The following SFSWAP variants were observed in gnomAD, a reference collection of about 807,000 sequenced individuals.
SFSWAP encodes the protein splicing factor, suppressor of white-apricot homolog.
SFSWAP carries 17 observed loss-of-function variants against 100.7 expected under a neutral mutation model. The observed-to-expected ratio is 0.17, with a 90% confidence interval of 0.12 to 0.25. SFSWAP has a LOEUF of 0.25. SFSWAP is among the 10% of genes least tolerant of loss of function. SFSWAP has a pLI of 1.00. For synonymous variants in SFSWAP, 504 were observed against 510.1 expected, an observed-to-expected ratio of 0.99 and a Z score of 0.16; for missense variants, 1,005 against 1,262.6, an observed-to-expected ratio of 0.80 and a Z score of 3.09.
rs1409418885 is a variant in SFSWAP at position 131,794,858 on chromosome 12, A to C, written c.2535-2320A>C. Among the ~76,000 whole-genome samples, 3 of 152,224 alleles carry C rather than the reference A, an allele frequency of 2.0e-5. No individual in the cohort carries two copies. Among genetic ancestry groups the C allele is most frequent in the African/African-American group, 7.2e-5 (3 of 41,472 alleles). On this transcript the variant is annotated intron_variant, in intron 15 of 17. Transcript: ENST00000261674. The surrounding 1 kb of genome is among the most constrained non-coding windows in gnomAD (Gnocchi z 4.8). Reference sequence around the variant, plus strand: ...AATGAGTTGCTCCATTCCTTCAGCAAGGGCTTAGATCAGATTGTAGCAGAA... The same window carrying C: ...AATGAGTTGCTCCATTCCTTCAGCACGGGCTTAGATCAGATTGTAGCAGAA...
At chr12:131,754,808 A>G (rs1313370663) in intron 9 of SFSWAP, among the ~76,000 whole-genome samples, 81 of 151,124 alleles carry the variant, frequency 5.4e-4, no homozygotes, top group Non-Finnish European at 1.5e-5. Context: ...TAATTTTTGT[A>G]TTTTGGTAGA....
At chr12:131,755,055 AAAAT>A (rs1350987049) in intron 9 of SFSWAP, among the ~76,000 whole-genome samples, 1 of 152,208 alleles carries the variant, frequency 6.6e-6, no homozygotes, top group African/African-American at 2.4e-5. Context: ...GAAGCTACCT[AAAAT>A]AAAAGCCTAT....
At chr12:131,782,759 C>CG (rs1455357378) in intron 14 of SFSWAP, among the ~76,000 whole-genome samples, 3 of 152,146 alleles carry the variant, frequency 2.0e-5, no homozygotes, top group African/African-American at 7.2e-5. Context: ...TTTAGTATGT[C>CG]TAAGTTATGG....
At chr12:131,759,954 A>G (rs1882515500) in intron 11 of SFSWAP, among the ~76,000 whole-genome samples, 1 of 152,244 alleles carries the variant, frequency 6.6e-6, no homozygotes, top group African/African-American at 2.4e-5. Flanking sequence ...GAAAGCAGCA[A>G]CATTCTCTCA....
In SFSWAP at chr12:131,725,426, G is replaced by A. The variant is rs780826479; in HGVS notation, c.628G>A (p.Ala210Thr). 8.1e-6 allele frequency: 13 copies of A among 1,614,028 alleles called. No homozygotes were observed. The East Asian group carries it at 1.1e-4, about 14-fold the overall frequency. ...VELPPTAKMHAIIERTASFVC... is the reference protein window; with the variant it reads ...VELPPTAKMHTIIERTASFVC... ...GTAGCCACCAACCGCTAAAATGCAC[G>A]CCATCATCGAGCGCACGGCCAGCTT... Residue 210 changes from alanine to threonine, a missense_variant, in exon 5 of 18, where the codon GCC becomes ACC. Ala to Thr is a moderately conservative substitution (Grantham distance 58). Transcript: ENST00000261674. The surrounding 1 kb of genome is among the most constrained non-coding windows in gnomAD (Gnocchi z 4.3).
At position 131,768,339 on chromosome 12, in the gene SFSWAP, G is replaced by A. The variant is rs1248643803; in HGVS notation, c.2142+2031G>A. Among the ~76,000 whole-genome samples, 3 of 152,146 alleles carry A rather than the reference G, an allele frequency of 2.0e-5. No individual in the cohort carries two copies. The East Asian group carries it at 5.8e-4, about 29-fold the overall frequency. On this transcript the variant is annotated intron_variant, in intron 13 of 17. Transcript: ENST00000261674. ...ATATTGACGTTTCTAAGAGTCCAGG[G>A]CCATTATTGAAAACTGATTTTCTGC...
Position 131,750,950 on chromosome 12 carries a change from A to G in SFSWAP, c.1082-2173A>G, listed in dbSNP as rs540202291. 3.3e-5 allele frequency among the ~76,000 whole-genome samples: 5 copies of G among 152,322 alleles called. No individual in the cohort carries two copies. In the East Asian group the frequency reaches 9.6e-4, roughly 29 times the overall value. ...CAGCCTACCAAAGTGCTGGGATTAT[A>G]GGTGTGACCCATGGCACCCAGCCTA... On this transcript the variant is annotated intron_variant, in intron 7 of 17. Transcript: ENST00000261674.
At chr12:131,762,975 C>T (rs1882804057) in intron 11 of SFSWAP, among the ~76,000 whole-genome samples, 1 of 152,168 alleles carries the variant, frequency 6.6e-6, no homozygotes, top group Admixed American at 6.5e-5. Context: ...ACGCCCCACA[C>T]ACGTGCTCAT....
chr12:131,778,442 A>G lies in SFSWAP; in HGVS notation c.2408+112A>G. Reference sequence around the variant, plus strand: ...AAAATCAGTGCCGCTTTCATTAAGCAGACGCGTGTATGCATGTGCATGTGT... The same window carrying G: ...AAAATCAGTGCCGCTTTCATTAAGCGGACGCGTGTATGCATGTGCATGTGT... On this transcript the variant is annotated intron_variant, in intron 14 of 17. Coordinates refer to ENST00000261674, the MANE Select transcript of SFSWAP (RefSeq NM_004592.4). The surrounding 1 kb of genome is among the most constrained non-coding windows in gnomAD (Gnocchi z 4.2). 2.0e-6 allele frequency: 3 copies of G among 1,488,748 alleles called. No homozygotes were observed. Among genetic ancestry groups the G allele is most frequent in the Non-Finnish European group, 1.8e-6 (2 of 1,114,152 alleles). The allele number at this position is 1,488,748 out of a possible 1,614,324, so 92.2% of individuals were successfully genotyped here. A position where few individuals can be genotyped will look rare whatever the true frequency, so the allele number is the denominator to read the frequency against.
intron 15 of SFSWAP, among the ~76,000 whole-genome samples, chr12:131,793,666 G>A (rs1234105364): frequency 2.0e-5 from 3 of 152,124 alleles, no homozygotes; most frequent in Non-Finnish European, 4.4e-5. Flanking sequence ...AAGATGAATA[G>A]GCAGGCCGCA....
chr12:131,727,209 A>T (rs1593117593), intron 6 of SFSWAP, among the ~76,000 whole-genome samples, 157 bp downstream of exon 6: 1 of 152,366 alleles, frequency 6.6e-6, no homozygotes, highest in East Asian at 1.9e-4. Context: ...TAGCTGGGTG[A>T]CAAAGCATCT....
chr12:131,733,267 C>T lies in SFSWAP; in HGVS notation c.1081+4839C>T, dbSNP rs1879682631. 6.6e-6 allele frequency among the ~76,000 whole-genome samples: 1 copy of T among 152,156 alleles called. No homozygotes were observed. Among genetic ancestry groups the T allele is most frequent in the African/African-American group, 2.4e-5 (1 of 41,436 alleles). ...CCTCACCCTGCCCTGTGAGAACTTT[C>T]GTATGTGTGTCTCTGCCATCTCCTC... On this transcript the variant is annotated intron_variant, in intron 7 of 17. Coordinates refer to ENST00000261674, the MANE Select transcript of SFSWAP (RefSeq NM_004592.4). The surrounding 1 kb of genome is among the most constrained non-coding windows in gnomAD (Gnocchi z 5.1).
rs1879189950 is a variant in SFSWAP, at chr12:131,728,382, A to G, written c.1035A>G (p.Ala345=). 4 of 1,614,224 alleles carry G rather than the reference A, an allele frequency of 2.5e-6. No homozygotes were observed. The highest frequency in any genetic ancestry group is 3.4e-6 in the Non-Finnish European group (4 of 1,180,040). ...ADSSTPTPHN[A]DGAPVQPSQV... is the part of the protein sequence containing the mutation. ...GTTCCACTCCCACCCCACACAACGC[A>G]GACGGTGCGCCTGTGCAGCCCTCCC... The change falls in exon 7 of 18, where the codon GCA becomes GCG. Residue 345 remains alanine (A), a synonymous_variant. Transcript: ENST00000261674.
chr12:131,720,030 A>G (rs1566003377), intron 4 of SFSWAP, among the ~76,000 whole-genome samples: 1 of 152,108 alleles, frequency 6.6e-6, no homozygotes. Context: ...CCACCCTTCC[A>G]CTGATGAAGG....
intron 13 of SFSWAP, among the ~76,000 whole-genome samples, chr12:131,775,047 G>A (rs964118223): frequency 6.6e-6 from 1 of 152,152 alleles, no homozygotes; most frequent in African/African-American, 2.4e-5. Context: ...GGCGTCTCGC[G>A]CCCGTTTGGT....
At chr12:131,748,518 G>A (rs1881340111) in intron 7 of SFSWAP, among the ~76,000 whole-genome samples, 1 of 152,168 alleles carries the variant, frequency 6.6e-6, no homozygotes, top group Non-Finnish European at 1.5e-5. Flanking sequence ...TTCCAGAAAG[G>A]TGGTTGCTCA....
chr12:131,764,161 CA>C (rs1321187357), intron 11 of SFSWAP, among the ~76,000 whole-genome samples: 1 of 152,204 alleles, frequency 6.6e-6, no homozygotes, highest in South Asian at 2.1e-4. Context: ...AAGAATTGGC[CA>C]TTTAAAATTG....
chr12:131,766,663 A>C (rs1883145887), intron 13 of SFSWAP, among the ~76,000 whole-genome samples: 1 of 152,218 alleles, frequency 6.6e-6, no homozygotes, highest in African/African-American at 2.4e-5. Flanking sequence ...CCGCCTCCGC[A>C]GCAGCACCAG....
At chr12:131,787,391 G>A (rs188300471) in intron 15 of SFSWAP, among the ~76,000 whole-genome samples, 8 of 152,302 alleles carry the variant, frequency 5.3e-5, no homozygotes, top group Admixed American at 2.0e-4. Context: ...TCTCACGAGC[G>A]CCTCCTCTGG....
Sources: gnomAD v4.1 joint callset for allele counts (sites outside exome capture counted in the v4.1 genomes callset) on GRCh38, gnomAD v4.1.1 for gene constraint, Gnocchi (gnomAD v3.1) non-coding constraint, MANE v1.5 for transcripts, NCBI Gene and HGNC (gene_info 2026-07-23, HGNC 2026-07-21) for gene names.